Variants in PINK1 observed in about 807,000 individuals in gnomAD.
The protein encoded by PINK1 is PTEN induced kinase 1.
Under a neutral mutation model 56.0 loss-of-function variants are expected in PINK1, and 58 were observed. The observed-to-expected ratio is 1.04, with a 90% CI of 0.84 to 1.29. The LOEUF (loss-of-function observed/expected upper bound fraction) is 1.29. PINK1 is among the 50% of genes most tolerant of loss of function. The pLI is 0.00. For synonymous variants in PINK1, 354 were observed against 339.3 expected (o/e 1.04, Z -0.48); for missense variants, 745 against 777.9 (o/e 0.96, Z 0.50).
rs1347462552 is a variant in PINK1 at position 20,641,686 on chromosome 1, G to A, written c.776+1694G>A. 1.3e-5 allele frequency among the ~76,000 whole-genome samples: 2 copies of A among 152,006 alleles called. No homozygotes were observed. The highest frequency in any genetic ancestry group is 2.9e-5 in the Non-Finnish European group (2 of 68,002). On this transcript the variant is annotated intron_variant, in intron 3 of 7. Transcript: ENST00000321556. The surrounding 1 kb of genome is among the most constrained non-coding windows in gnomAD (Gnocchi z 4.0). ...TCCTCCTAGCCTCTGCTCTCCTGGG[G>A]CCCAGAGATTGAAGGCGCTTAACCT...
In PINK1 at chr1:20,644,003, T is replaced by C. The variant is rs191694912; in HGVS notation, c.777-487T>C. On this transcript the variant is annotated intron_variant, in intron 3 of 7. Transcript: ENST00000321556. ...TAATAAAATAGAATAATTATGACAA[T>C]ATACTGTAATAAAAGTTATGTGAAT... Among the ~76,000 whole-genome samples, 558 of 152,276 alleles carry C rather than the reference T, an allele frequency of 3.7e-3. 4 individuals are homozygous for C. The highest frequency in any genetic ancestry group is 6.8e-3 in the Middle Eastern group (2 of 294).
chr1:20,642,069 T>C lies in PINK1; in HGVS notation c.776+2077T>C, dbSNP rs80074940. On this transcript the variant is annotated intron_variant, in intron 3 of 7. Coordinates refer to ENST00000321556, the MANE Select transcript of PINK1 (RefSeq NM_032409.3). ...TGCATAGAACAGGGGCCACTCAGGT[T>C]GACTCAAGAGCAGGAGCAGCGCGTG... 9.4e-3 allele frequency among the ~76,000 whole-genome samples: 1,428 copies of C among 152,286 alleles called. 10 individuals carry two copies. Among genetic ancestry groups the C allele is most frequent in the Middle Eastern group, 0.02 (6 of 294 alleles).
In PINK1 at chr1:20,633,533, G is replaced by A. The variant is rs905893645; in HGVS notation, c.-16G>A. On this transcript the variant is annotated 5_prime_UTR_variant, in exon 1 of 8. Coordinates refer to ENST00000321556, the MANE Select transcript of PINK1 (RefSeq NM_032409.3). ...CGGCAGCGGCGGCTGCGGGGGCACC[G>A]GGCCGCGGCGCCACCATGGCGGTGC... 1.6e-5 allele frequency: 18 copies of A among 1,149,348 alleles called. No homozygotes were observed. Among genetic ancestry groups the A allele is most frequent in the African/African-American group, 6.5e-5 (4 of 61,318 alleles). 71.2% of individuals were successfully genotyped at this position (1,149,348 alleles called of 1,614,324 possible).
intron 3 of PINK1, chr1:20,643,229 A>T (rs2053136067): frequency 6.6e-6 from 1 of 152,290 alleles, no homozygotes; most frequent in Non-Finnish European, 1.5e-5. Flanking sequence ...CCGTTGGGGC[A>T]GGTGACTCCT....
intron 7 of PINK1, 195 bp downstream of exon 7, chr1:20,649,426 A>C (rs1014743324): frequency 4.9e-6 from 3 of 612,440 alleles, no homozygotes; most frequent in African/African-American, 3.7e-5. Flanking sequence ...CAGCATAGTC[A>C]GAATCCTAGC....
chr1:20,644,465 A>T, intron 3 of PINK1, 25 bp from the exon 4 acceptor site: 1 of 1,612,670 alleles, frequency 6.2e-7, no homozygotes, highest in South Asian at 1.1e-5. Context: ...CTGGCCTCAT[A>T]TGTTTGTCTC....
At chr1:20,635,115 C>T (rs1055469738) in intron 1 of PINK1, among the ~76,000 whole-genome samples, 1 of 152,202 alleles carries the variant, frequency 6.6e-6, no homozygotes, top group Non-Finnish European at 1.5e-5. Context: ...GGAGATTGAT[C>T]CTCCTAAACT....
chr1:20,645,551 C>T lies in PINK1; in HGVS notation c.960-9C>T, dbSNP rs763284142. On this transcript the variant is annotated splice_polypyrimidine_tract_variant and intron_variant, in intron 4 of 7. Transcript: ENST00000321556. Reference sequence around the variant, plus strand: ...GTGGTAGCCAGAGGCCCTCTCCCCTCTCCGCCAGCTATCCCTGTACCCTGC... The same window carrying T: ...GTGGTAGCCAGAGGCCCTCTCCCCTTTCCGCCAGCTATCCCTGTACCCTGC... 6 of 1,613,160 alleles carry T rather than the reference C, an allele frequency of 3.7e-6. No homozygotes were observed. Among genetic ancestry groups the T allele is most frequent in the Admixed American group, 1.7e-5 (1 of 59,988 alleles).
rs751529167 is a variant in PINK1 at position 20,633,914 on chromosome 1, C to T, written c.366C>T (p.Val122=). ...EEKQAESRRA[V]SACQEIQAIF... is the part of the protein sequence containing the mutation. The stretch of plus-strand genomic sequence containing the variant: ...AACAGGCGGAGAGCCGGCGGGCGGT[C>T]TCGGCCTGTCAGGAGATCCAGGTGA... Residue 122 remains valine (V), a synonymous_variant, in exon 1 of 8, where the codon GTC becomes GTT. Coordinates refer to ENST00000321556, the MANE Select transcript of PINK1 (RefSeq NM_032409.3). 3.2e-6 allele frequency: 5 copies of T among 1,584,286 alleles called. No homozygotes were observed. In the South Asian group the frequency reaches 5.7e-5, roughly 18 times the overall value.
At chr1:20,644,384 AG>A (rs1293574681) in intron 3 of PINK1, 105 bp from the exon 4 acceptor site, 3 of 1,257,280 alleles carry the variant, frequency 2.4e-6, no homozygotes, top group African/African-American at 2.9e-5. Flanking sequence ...TTTGATAGTA[AG>A]TGAATAATGA....
Position 20,649,148 on chromosome 1 carries a change from G to A in PINK1, c.1405G>A (p.Ala469Thr). ...AHLESRSYQE[A>T]QLPALPESVP... ...CCTTGAAAGCCGCAGCTACCAAGAG[G>A]CTCAGCTACCTGCACTGCCCGAGTC... The change falls in exon 7 of 8, where the codon GCT becomes ACT. Residue 469 changes from alanine (A) to threonine (T), a missense_variant. Physicochemically the swap from Ala to Thr is moderately conservative, Grantham distance 58 (BLOSUM62 0). Coordinates refer to ENST00000321556, the MANE Select transcript of PINK1 (RefSeq NM_032409.3). The A allele has an allele frequency of 6.2e-7, 1 of 1,614,250 alleles. No homozygotes were observed. The highest frequency in any genetic ancestry group is 1.1e-5 in the South Asian group (1 of 91,090).
intron 2 of PINK1, chr1:20,639,565 T>G: frequency 2.6e-6 from 1 of 391,378 alleles, no homozygotes; most frequent in East Asian, 5.8e-5. Context: ...CAGTGGTCAA[T>G]TTTGAACTGG....
intron 4 of PINK1, 133 bp from the exon 5 acceptor site, chr1:20,645,427 T>G: frequency 5.9e-6 from 6 of 1,024,194 alleles, no homozygotes; most frequent in Non-Finnish European, 8.7e-6. Context: ...AGGTGGAGGT[T>G]GCAGTGAGCC....
chr1:20,636,171 A>C (rs1003660355), intron 1 of PINK1, among the ~76,000 whole-genome samples: 2 of 150,490 alleles, frequency 1.3e-5, no homozygotes, highest in Admixed American at 1.3e-4. Context: ...GCTAGTAGCA[A>C]GCTCTAAAAA....
rs2053111206 is a variant in PINK1, at chr1:20,641,080, T to A, written c.776+1088T>A. 6.6e-6 allele frequency among the ~76,000 whole-genome samples: 1 copy of A among 151,914 alleles called. No individual in the cohort carries two copies. The highest frequency in any genetic ancestry group is 2.1e-4 in the South Asian group (1 of 4,806). ...CCAAGAAGAGGTGGGTCTGCTGCAT[T>A]TTTGGTGATTTACTGGAGGGCTGGT... On this transcript the variant is annotated intron_variant, in intron 3 of 7. Coordinates refer to ENST00000321556, the MANE Select transcript of PINK1 (RefSeq NM_032409.3). This position sits in a 1 kb window ranked among gnomAD's most constrained non-coding sequence, Gnocchi z 4.0.
At chr1:20,634,649 T>G (rs1176783945) in intron 1 of PINK1, among the ~76,000 whole-genome samples, 1 of 152,210 alleles carries the variant, frequency 6.6e-6, no homozygotes, top group Non-Finnish European at 1.5e-5. Flanking sequence ...CTATGGGGAT[T>G]GGCAAAGTCT....
At position 20,650,743 on chromosome 1, in the gene PINK1, T is replaced by G. The variant is rs1439192172; in HGVS notation, c.*52T>G. On this transcript the variant is annotated 3_prime_UTR_variant, in exon 8 of 8. Coordinates refer to ENST00000321556, the MANE Select transcript of PINK1 (RefSeq NM_032409.3). ...CTAAAAGAACATGGCATCCTCTGTG[T>G]CGTGATGGTCTGTGAATGGTGAGGG... 1 of 1,591,404 alleles carries G rather than the reference T, an allele frequency of 6.3e-7. No homozygotes were observed.
At chr1:20,644,445 G>C (rs773266267) in intron 3 of PINK1, 45 bp from the exon 4 acceptor site, 5 of 1,589,636 alleles carry the variant, frequency 3.1e-6, no homozygotes, top group Non-Finnish European at 4.3e-6. Context: ...TCCAGGTGTT[G>C]TATCTGATGC....
chr1:20,638,652 A>G, intron 2 of PINK1: 1 of 183,060 alleles, frequency 5.5e-6, no homozygotes, highest in Non-Finnish European at 1.1e-5. Context: ...AAAACAAAAC[A>G]AACAAACAAA....
Sources: gnomAD v4.1 joint callset for allele counts (sites outside exome capture counted in the v4.1 genomes callset) on GRCh38, gnomAD v4.1.1 for gene constraint, Gnocchi (gnomAD v3.1) non-coding constraint, MANE v1.5 for transcripts, NCBI Gene and HGNC (gene_info 2026-07-23, HGNC 2026-07-21) for gene names.